The following ZBTB40 variants were observed in gnomAD, a reference collection of about 807,000 sequenced individuals.
ZBTB40 encodes the protein zinc finger and BTB domain-containing protein 40.
A neutral mutation model predicts 117.5 loss-of-function variants in ZBTB40; 60 were observed. The ratio of observed to expected loss-of-function variants is 0.51; its 90% CI spans 0.41 to 0.63. The LOEUF is 0.63. ZBTB40 is among the 30% of genes least tolerant of loss of function. The probability of loss-of-function intolerance (pLI) is 0.00; values close to 1 mark genes in which losing one functional copy is unlikely to be tolerated. For synonymous variants in ZBTB40, 525 were observed against 577.1 expected, an observed-to-expected ratio of 0.91 and a Z score of 1.29; for missense variants, 1,287 against 1,498.5, an observed-to-expected ratio of 0.86 and a Z score of 2.33.
rs765578964 is a variant in ZBTB40 at position 22,508,578 on chromosome 1, T to C, written c.1546T>C (p.Ser516Pro). ...KRDSGSGGFN[S>P]LISAVLEKQT... ...TGACTCTGGTTCAGGTGGTTTCAATTCTCTGATATCAGCAGTTCTAGAAAA... is the reference window on the plus strand; with the variant it reads ...TGACTCTGGTTCAGGTGGTTTCAATCCTCTGATATCAGCAGTTCTAGAAAA... Residue 516 changes from serine (S) to proline (P), a missense_variant, in exon 8 of 18, where the codon TCT becomes CCT. By Grantham distance (74) the Ser-to-Pro change is moderately conservative (BLOSUM62 -1). Around this residue, in one of 2 missense-constraint regions of ZBTB40, gnomAD observed 870 missense variants for 934.4 expected, o/e 0.93. Coordinates refer to ENST00000375647, the MANE Select transcript of ZBTB40 (RefSeq NM_014870.4). 1.2e-6 allele frequency: 2 copies of C among 1,614,208 alleles called. No homozygotes were observed. The highest frequency in any genetic ancestry group is 3.3e-5 in the Admixed American group (2 of 60,032).
intron 1 of ZBTB40, among the ~76,000 whole-genome samples, chr1:22,486,936 T>C (rs1251516298): frequency 6.6e-6 from 1 of 152,114 alleles, no homozygotes; most frequent in African/African-American, 2.4e-5. Context: ...GGTTTTGCCA[T>C]GTTGACCAGG....
rs1639288763 is a variant in ZBTB40, at chr1:22,513,185, A to G, written c.2668+55A>G. On this transcript the variant is annotated intron_variant, in intron 12 of 17. Transcript: ENST00000375647. The surrounding 1 kb of genome is among the most constrained non-coding windows in gnomAD (Gnocchi z 4.9). ...CAGACTTTCACTGCGAACTGCCTAA[A>G]CCCCATTTGGATTAGGTGTGATATA... The G allele has an allele frequency of 2.5e-6, 4 of 1,570,448 alleles. No individual in the cohort carries two copies. In the Admixed American group the frequency reaches 7.3e-5, roughly 28 times the overall value.
chr1:22,450,088 C>T (rs1448378075), upstream of ZBTB40, among the ~76,000 whole-genome samples: 1 of 152,094 alleles, frequency 6.6e-6, no homozygotes, highest in Non-Finnish European at 1.5e-5. Context: ...GGATTACAGG[C>T]ACCTGCCACC....
rs200932479 is a variant in ZBTB40 at position 22,439,145 on chromosome 1, C to T, written c.-70+10131C>T. Reference sequence around the variant, plus strand: ...CCCCCCAAAGTGTTGGGATTACAGGCGTGAGCCACCATGCCTGGCCTGCGT... The same window carrying T: ...CCCCCCAAAGTGTTGGGATTACAGGTGTGAGCCACCATGCCTGGCCTGCGT... On this transcript the variant is annotated intron_variant, in intron 1 of 8. Transcript: ENST00000650433. Among the ~76,000 whole-genome samples the T allele has an allele frequency of 3.9e-5, 6 of 152,182 alleles. No individual in the cohort carries two copies. In the East Asian group the frequency reaches 5.8e-4, roughly 15 times the overall value.
chr1:22,519,220 A>G (rs1424701018), intron 13 of ZBTB40, among the ~76,000 whole-genome samples: 5 of 152,256 alleles, frequency 3.3e-5, no homozygotes, highest in Non-Finnish European at 2.9e-5. Flanking sequence ...TTATTAAAAC[A>G]TTTTGATTTC....
intron 9 of ZBTB40, 87 bp from the exon 10 acceptor site, chr1:22,511,092 G>A: frequency 8.7e-7 from 1 of 1,146,642 alleles, no homozygotes; most frequent in Non-Finnish European, 1.3e-6. Context: ...CCTGGGATTA[G>A]CTTTTTTTTT....
At chr1:22,507,882 CAGAGGACACTGAGCCCTT>C (rs1639114485) in intron 6 of ZBTB40, 101 bp from the exon 7 acceptor site, 1 of 1,445,722 alleles carries the variant, frequency 6.9e-7, no homozygotes, top group Non-Finnish European at 9.7e-7. Flanking sequence ...CAGGGCTCTG[CAGAGGACACTGAGCCCTT>C]GTGCTGATTG....
At chr1:22,444,729 G>A (rs1296074629) in intron 1 of ZBTB40, among the ~76,000 whole-genome samples, 1 of 152,174 alleles carries the variant, frequency 6.6e-6, no homozygotes, top group Admixed American at 6.5e-5. Context: ...CCACCCCAAT[G>A]GAAGAATGAA....
At chr1:22,522,309 T>C in intron 15 of ZBTB40, 68 bp from the exon 16 acceptor site, 3 of 1,504,662 alleles carry the variant, frequency 2.0e-6, no homozygotes, top group Non-Finnish European at 1.9e-6. Context: ...CCAGCCCTGT[T>C]ACTCTTCAGC....
intron 1 of ZBTB40, among the ~76,000 whole-genome samples, chr1:22,483,284 TA>T (rs1050341404): frequency 3.8e-4 from 58 of 152,324 alleles, no homozygotes; most frequent in African/African-American, 1.4e-3. Context: ...TGTGTGGCCA[TA>T]AGTCTTCAAC....
At chr1:22,524,822 G>A (rs1417851050) in intron 17 of ZBTB40, among the ~76,000 whole-genome samples, 1 of 152,196 alleles carries the variant, frequency 6.6e-6, no homozygotes, top group Non-Finnish European at 1.5e-5. Context: ...CTCTGGGCAG[G>A]ACACAGTACA....
intron 5 of ZBTB40, among the ~76,000 whole-genome samples, chr1:22,505,269 A>T (rs1473189134): frequency 6.6e-6 from 1 of 152,222 alleles, no homozygotes; most frequent in African/African-American, 2.4e-5. Context: ...TATGCATATT[A>T]TGCTGTAGTC....
chr1:22,434,979 GT>G (rs1323389848), intron 1 of ZBTB40, among the ~76,000 whole-genome samples: 3 of 149,496 alleles, frequency 2.0e-5, no homozygotes, highest in Admixed American at 6.6e-5. Flanking sequence ...AATGGTATGT[GT>G]TTCCGTTTGC....
At chr1:22,465,365 C>T (rs374844942) in intron 1 of ZBTB40, among the ~76,000 whole-genome samples, 4 of 152,190 alleles carry the variant, frequency 2.6e-5, no homozygotes, top group Admixed American at 6.5e-5. Context: ...GTCTACTCAG[C>T]TGTGGCTGAG....
intron 1 of ZBTB40, among the ~76,000 whole-genome samples, chr1:22,473,922 A>G (rs1641478802): frequency 6.6e-6 from 1 of 152,196 alleles, no homozygotes; most frequent in Admixed American, 6.5e-5. Context: ...AAGGCAGTTA[A>G]CATCTCGGAG....
intron 1 of ZBTB40, among the ~76,000 whole-genome samples, chr1:22,430,589 G>A (rs1406705595): frequency 6.6e-6 from 1 of 151,962 alleles, no homozygotes; most frequent in Non-Finnish European, 1.5e-5. Context: ...CTCCCACTTT[G>A]GCCTCCCATG....
chr1:22,464,612 T>C (rs1641208800), intron 1 of ZBTB40, among the ~76,000 whole-genome samples: 1 of 152,222 alleles, frequency 6.6e-6, no homozygotes. Flanking sequence ...GGTTTATGCA[T>C]GTTTACTATA....
At chr1:22,464,235 T>G (rs964751375) in intron 1 of ZBTB40, among the ~76,000 whole-genome samples, 1 of 152,248 alleles carries the variant, frequency 6.6e-6, no homozygotes, top group Non-Finnish European at 1.5e-5. Flanking sequence ...CACTTTGTAA[T>G]TGAACATTCA....
At chr1:22,482,119 T>G (rs945852175) in intron 1 of ZBTB40, among the ~76,000 whole-genome samples, 7 of 152,100 alleles carry the variant, frequency 4.6e-5, no homozygotes, top group African/African-American at 1.2e-4. Flanking sequence ...TATATGTGCA[T>G]TTTTATAATA....
Sources: allele counts gnomAD v4.1 joint callset (sites outside exome capture counted in the v4.1 genomes callset), GRCh38; gene constraint gnomAD v4.1.1; regional missense constraint gnomAD v4.1.1; non-coding constraint Gnocchi (gnomAD v3.1); transcripts MANE v1.5; gene names NCBI Gene and HGNC (gene_info 2026-07-23, HGNC 2026-07-21).